LRGUK: variants seen among roughly 807,000 people sequenced by gnomAD.
LRGUK encodes the protein leucine rich repeats and guanylate kinase domain containing, also known as leucine-rich repeat and guanylate kinase domain-containing protein.
LRGUK carries 65 observed loss-of-function variants against 76.0 expected under a neutral mutation model. The ratio of observed to expected loss-of-function variants is 0.85; its 90% confidence interval spans 0.70 to 1.05. The LOEUF is 1.05. Among genes scored for constraint, LRGUK ranks in the 50% least tolerant of loss-of-function variants. The probability of loss-of-function intolerance (pLI) is 0.00; values close to 1 mark genes in which losing one functional copy is unlikely to be tolerated. For missense variants in LRGUK, 758 were observed against 732.8 expected (o/e 1.03, Z -0.40); for synonymous variants, 268 against 265.6 (o/e 1.01, Z -0.09).
chr7:134,245,054 G>T (rs1802261921), intron 16 of LRGUK, among the ~76,000 whole-genome samples: 4 of 150,918 alleles, frequency 2.7e-5, no homozygotes, highest in African/African-American at 9.7e-5. Context: ...GGGGCAGGGG[G>T]AGGGATAGCA....
Position 134,236,873 on chromosome 7 carries a change from T to C in LRGUK, c.1984-10683T>C, listed in dbSNP as rs998575165. 8.1e-4 allele frequency among the ~76,000 whole-genome samples: 123 copies of C among 152,174 alleles called. 2 individuals carry two copies. The highest frequency in any genetic ancestry group is 1.9e-4 in the Non-Finnish European group (13 of 68,028). On this transcript the variant is annotated intron_variant, in intron 16 of 19. Coordinates refer to the LRGUK transcript ENST00000285928. ...AAGAAATTTCTTACACCTACTGTTA[T>C]TATATTAGCTGTTGTTCAATACCTA...
In LRGUK at chr7:134,233,394, A is replaced by G. The variant is rs4728314; in HGVS notation, c.1983+11476A>G. Among the ~76,000 whole-genome samples the G allele has an allele frequency of 0.012, 1,873 of 152,314 alleles. 80 individuals are homozygous for G. The East Asian group carries it at 0.15, about 12-fold the overall frequency. ...AAGCAAGCCAAGTCACTGAGAGCCA[A>G]TTCTCCAGAAAGAAAAATTGCTGAA... is the stretch of plus-strand genomic sequence containing the variant. On this transcript the variant is annotated intron_variant, in intron 16 of 19. Coordinates refer to the LRGUK transcript ENST00000285928.
chr7:134,173,685 A>G (rs1190216412), intron 7 of LRGUK, among the ~76,000 whole-genome samples: 2 of 152,194 alleles, frequency 1.3e-5, no homozygotes, highest in East Asian at 1.9e-4. Flanking sequence ...TATATAAAAC[A>G]TAAGTGTACA....
At chr7:134,175,671 T>C (rs968328130) in intron 8 of LRGUK, among the ~76,000 whole-genome samples, 26 of 152,210 alleles carry the variant, frequency 1.7e-4, no homozygotes, top group Non-Finnish European at 2.4e-4. Flanking sequence ...GCAAAAGTAA[T>C]TGTGGTTTTT....
At chr7:134,162,876 A>G (rs1798808930) in intron 6 of LRGUK, among the ~76,000 whole-genome samples, 1 of 148,630 alleles carries the variant, frequency 6.7e-6, no homozygotes, top group Non-Finnish European at 1.5e-5. Context: ...GCCCAAGGGC[A>G]GGAATAACTG....
chr7:134,211,156 C>G (rs999773187), downstream of LRGUK, among the ~76,000 whole-genome samples: 1 of 152,232 alleles, frequency 6.6e-6, no homozygotes, highest in African/African-American at 2.4e-5. Flanking sequence ...CCAATCTGCA[C>G]TCCTGTGCCT....
chr7:134,227,456 T>C (rs1408218714), intron 16 of LRGUK, among the ~76,000 whole-genome samples: 1 of 152,130 alleles, frequency 6.6e-6, no homozygotes, highest in African/African-American at 2.4e-5. Context: ...ATATAAATAA[T>C]GTTGTAAATA....
At chr7:134,246,668 C>G (rs1163303470) in intron 16 of LRGUK, among the ~76,000 whole-genome samples, 1 of 152,168 alleles carries the variant, frequency 6.6e-6, no homozygotes, top group Admixed American at 6.5e-5. Flanking sequence ...ATCAAAACAG[C>G]AAGGCTTATT....
chr7:134,175,315 A>G (rs76287966), intron 8 of LRGUK, among the ~76,000 whole-genome samples: 4,755 of 152,102 alleles, frequency 0.031, 113 homozygotes, highest in Non-Finnish European at 0.05. Flanking sequence ...CAGGCTCTTG[A>G]CTTTGCATGT....
intron 6 of LRGUK, among the ~76,000 whole-genome samples, chr7:134,162,653 C>A (rs1418848758): frequency 6.6e-6 from 1 of 151,794 alleles, no homozygotes; most frequent in African/African-American, 2.4e-5. Context: ...ATGATGAAAC[C>A]CCATCTCTAC....
intron 16 of LRGUK, among the ~76,000 whole-genome samples, chr7:134,246,245 C>T (rs1464931313): frequency 1.3e-5 from 2 of 152,136 alleles, no homozygotes; most frequent in Admixed American, 1.3e-4. Flanking sequence ...TACTGTTGTA[C>T]ATTAAAGTGG....
In LRGUK at chr7:134,229,362, C is replaced by CA. The variant is rs71531814; in HGVS notation, c.1983+7458dup. Among the ~76,000 whole-genome samples, 623 of 119,102 alleles carry CA rather than the reference C, an allele frequency of 5.2e-3. 5 individuals carry two copies. The highest frequency in any genetic ancestry group is 0.015 in the African/African-American group (481 of 31,438). The allele number at this position is 119,102 out of a possible 152,430, so 78.1% of individuals were successfully genotyped here. Reference sequence around the variant, plus strand: ...TGGGTGACAGAGGGAGACTCCATCTCAAAAAAAAAAAAAATCTATCTATCT... The same window carrying CA: ...TGGGTGACAGAGGGAGACTCCATCTCAAAAAAAAAAAAAAATCTATCTATCT... On this transcript the variant is annotated intron_variant, in intron 16 of 19. Coordinates refer to the LRGUK transcript ENST00000285928.
downstream of LRGUK, among the ~76,000 whole-genome samples, chr7:134,214,611 G>A (rs1157823066): frequency 6.6e-6 from 1 of 152,176 alleles, no homozygotes; most frequent in East Asian, 1.9e-4. Context: ...TGCGTAGTAA[G>A]TAGAAAGCAG....
At chr7:134,263,944 C>T in exon 20 of LRGUK, 1 of 1,612,572 alleles carries the variant, frequency 6.2e-7, no homozygotes, top group South Asian at 1.1e-5. Context: ...GTCAAACCCA[C>T]CCTCCCTCCA....
At chr7:134,130,208 G>GCTAT (rs1383477505) in intron 1 of LRGUK, among the ~76,000 whole-genome samples, 1 of 152,040 alleles carries the variant, frequency 6.6e-6, no homozygotes, top group Non-Finnish European at 1.5e-5. Flanking sequence ...GGTTTACTTT[G>GCTAT]CTATCTTTAA....
chr7:134,242,748 A>G lies in LRGUK; in HGVS notation c.1984-4808A>G, dbSNP rs531415084. 2.0e-5 allele frequency among the ~76,000 whole-genome samples: 3 copies of G among 152,004 alleles called. No individual in the cohort carries two copies. The East Asian group carries it at 5.8e-4, about 29-fold the overall frequency. On this transcript the variant is annotated intron_variant, in intron 16 of 19. Coordinates refer to the LRGUK transcript ENST00000285928. ...TACTAAAGCCTGGCAGAGACACAAC[A>G]AAAAAAAGAGAATTTAGACCAATAT...
chr7:134,215,227 AAAGT>A (rs953344916), downstream of LRGUK, among the ~76,000 whole-genome samples: 1 of 152,194 alleles, frequency 6.6e-6, no homozygotes, highest in Non-Finnish European at 1.5e-5. Flanking sequence ...CAAAAAAAAA[AAAGT>A]GTCATAAAAC....
chr7:134,213,481 G>A (rs1801350406), downstream of LRGUK, among the ~76,000 whole-genome samples: 1 of 152,176 alleles, frequency 6.6e-6, no homozygotes, highest in Non-Finnish European at 1.5e-5. Context: ...TGAGGTGGGT[G>A]TGGGGCACTT....
chr7:134,202,771 T>C (rs1306396976), intron 15 of LRGUK, among the ~76,000 whole-genome samples: 3 of 152,014 alleles, frequency 2.0e-5, no homozygotes, highest in African/African-American at 7.3e-5. Flanking sequence ...AGTAGAACGG[T>C]AGTTGCCAGA....
Sources: gnomAD v4.1 joint callset for allele counts (sites outside exome capture counted in the v4.1 genomes callset) on GRCh38, gnomAD v4.1.1 for gene constraint, MANE v1.5 for transcripts, NCBI Gene and HGNC (gene_info 2026-07-23, HGNC 2026-07-21) for gene names.